The following PAX5 variants were observed in gnomAD, a reference collection of about 807,000 sequenced individuals.
The protein encoded by PAX5 is paired box 5, also known as paired box protein Pax-5.
Under a neutral mutation model 43.7 loss-of-function variants are expected in PAX5, and 9 were observed. The observed-to-expected ratio is 0.21, with a 90% CI of 0.12 to 0.36. PAX5 has a LOEUF of 0.36. PAX5 is among the 10% of genes least tolerant of loss of function. The pLI, the probability that PAX5 is intolerant of heterozygous loss-of-function variation, is 1.00. For missense variants in PAX5, 383 were observed against 532.7 expected, an observed-to-expected ratio of 0.72 and a Z score of 2.77; for synonymous variants, 228 against 214.3, an observed-to-expected ratio of 1.06 and a Z score of -0.56.
intron 8 of PAX5, among the ~76,000 whole-genome samples, chr9:36,855,341 C>G (rs542365620): frequency 6.6e-6 from 1 of 152,226 alleles, no homozygotes; most frequent in Non-Finnish European, 1.5e-5. Context: ...CTTTCTGTAA[C>G]CTGCCTGGCC....
intron 8 of PAX5, among the ~76,000 whole-genome samples, chr9:36,865,456 A>T (rs1362735271): frequency 6.6e-6 from 1 of 152,190 alleles, no homozygotes; most frequent in Non-Finnish European, 1.5e-5. Flanking sequence ...TCTTTGAACT[A>T]GGCCCAGCAC....
chr9:36,986,706 G>A (rs990302692), intron 5 of PAX5, among the ~76,000 whole-genome samples: 1 of 152,138 alleles, frequency 6.6e-6, no homozygotes, highest in African/African-American at 2.4e-5. Context: ...CGGGGCGCCC[G>A]GACCGCGGGG....
intron 5 of PAX5, among the ~76,000 whole-genome samples, chr9:36,986,352 C>T (rs989174635): frequency 6.8e-6 from 1 of 147,278 alleles, no homozygotes; most frequent in African/African-American, 2.4e-5. Flanking sequence ...CGCCCCGGGC[C>T]CCGCCGCGGC....
chr9:37,003,232 C>T (rs1276326369), intron 4 of PAX5, among the ~76,000 whole-genome samples: 1 of 150,464 alleles, frequency 6.6e-6, no homozygotes, highest in Non-Finnish European at 1.5e-5. Flanking sequence ...CCCAACCCAA[C>T]CTTGGGTGCA....
chr9:36,849,354 A>G (rs1822917032), intron 8 of PAX5, among the ~76,000 whole-genome samples: 1 of 152,136 alleles, frequency 6.6e-6, no homozygotes, highest in African/African-American at 2.4e-5. Flanking sequence ...AGAGCTGATC[A>G]CAATCCAACC....
chr9:36,991,108 CAAAAA>C (rs58025570), intron 5 of PAX5, among the ~76,000 whole-genome samples: 68,966 of 143,020 alleles, frequency 0.48, 16,435 homozygotes, highest in East Asian at 0.67. Context: ...GACCTTGTCT[CAAAAA>C]AAAAAAAAAA....
intron 5 of PAX5, among the ~76,000 whole-genome samples, chr9:36,998,625 G>A (rs1048495149): frequency 1.3e-5 from 2 of 152,176 alleles, no homozygotes; most frequent in Non-Finnish European, 2.9e-5. Context: ...CAGTACAATC[G>A]AGGAGCTAAT....
intron 5 of PAX5, among the ~76,000 whole-genome samples, chr9:36,997,050 G>A (rs1211926367): frequency 6.6e-6 from 1 of 152,172 alleles, no homozygotes; most frequent in Non-Finnish European, 1.5e-5. Flanking sequence ...AAGACATGGG[G>A]AGAGACACAA....
At chr9:36,978,848 C>T (rs1835670494) in intron 5 of PAX5, among the ~76,000 whole-genome samples, 1 of 152,162 alleles carries the variant, frequency 6.6e-6, no homozygotes, top group African/African-American at 2.4e-5. Flanking sequence ...CTCCATTACC[C>T]GCAGCAGGCA....
intron 6 of PAX5, among the ~76,000 whole-genome samples, chr9:36,957,105 G>C (rs903904838): frequency 2.0e-5 from 3 of 152,234 alleles, no homozygotes; most frequent in Non-Finnish European, 2.9e-5. Context: ...GCAGTTAGCT[G>C]TGCTCGCTGG....
chr9:36,845,694 C>G (rs1362334228), intron 9 of PAX5, among the ~76,000 whole-genome samples: 1 of 152,148 alleles, frequency 6.6e-6, no homozygotes, highest in Non-Finnish European at 1.5e-5. Flanking sequence ...GAAGTGGTTT[C>G]CATACTGTGT....
chr9:36,855,873 A>G (rs1319735658), intron 8 of PAX5, among the ~76,000 whole-genome samples: 2 of 151,930 alleles, frequency 1.3e-5, no homozygotes, highest in Non-Finnish European at 2.9e-5. Flanking sequence ...CAATTCTCCT[A>G]TTTGTCAAGA....
At chr9:36,975,374 T>C (rs1244888801) in intron 5 of PAX5, among the ~76,000 whole-genome samples, 1 of 152,078 alleles carries the variant, frequency 6.6e-6, no homozygotes, top group African/African-American at 2.4e-5. Context: ...GCCCATGATA[T>C]TTGAGCAATT....
chr9:36,967,465 C>T (rs1408319127), intron 5 of PAX5, among the ~76,000 whole-genome samples: 1 of 152,182 alleles, frequency 6.6e-6, no homozygotes, highest in Non-Finnish European at 1.5e-5. Context: ...TTGGTTAACT[C>T]AGCCAGGCAT....
chr9:36,987,149 C>A (rs1036247843), intron 5 of PAX5, among the ~76,000 whole-genome samples: 1 of 152,312 alleles, frequency 6.6e-6, no homozygotes, highest in East Asian at 1.9e-4. Flanking sequence ...CCTGCGGCTG[C>A]GTGCCTATAC....
intron 8 of PAX5, among the ~76,000 whole-genome samples, chr9:36,865,895 G>A (rs1824824990): frequency 6.6e-6 from 1 of 152,250 alleles, no homozygotes; most frequent in Non-Finnish European, 1.5e-5. Context: ...GAGCAGGGCT[G>A]GGCACAAAGG....
chr9:36,895,298 C>T (rs1434127003), intron 7 of PAX5, among the ~76,000 whole-genome samples: 5 of 152,188 alleles, frequency 3.3e-5, no homozygotes, highest in Admixed American at 6.5e-5. Context: ...AGAATGGTGG[C>T]CAGCACTGGG....
At chr9:36,915,413 T>C (rs770713904) in intron 7 of PAX5, among the ~76,000 whole-genome samples, 1 of 152,248 alleles carries the variant, frequency 6.6e-6, no homozygotes, top group South Asian at 2.1e-4. Context: ...TGTCTCATGA[T>C]TGTTTTAATT....
At chr9:37,011,205 G>A (rs897884359) in intron 3 of PAX5, among the ~76,000 whole-genome samples, 1 of 151,752 alleles carries the variant, frequency 6.6e-6, no homozygotes, top group Non-Finnish European at 1.5e-5. Flanking sequence ...AGAATTAAGA[G>A]CAGAACTAAC....
Sources: gnomAD v4.1 joint callset for allele counts (sites outside exome capture counted in the v4.1 genomes callset) on GRCh38, gnomAD v4.1.1 for gene constraint, MANE v1.5 for transcripts, NCBI Gene and HGNC (gene_info 2026-07-23, HGNC 2026-07-21) for gene names.